PREP: variants seen among roughly 807,000 people sequenced by gnomAD.
PREP encodes the protein dJ355L5.1 (prolyl endopeptidase).
PREP carries 29 observed loss-of-function variants against 87.6 expected under a neutral mutation model. That is an observed-to-expected ratio of 0.33 (90% CI 0.25 to 0.45). PREP has a LOEUF of 0.45. Ranked by LOEUF, PREP falls within the 20% of genes least tolerant of loss-of-function variation. The pLI is 1.00. For synonymous variants in PREP, 337 were observed against 328.6 expected (o/e 1.03, Z -0.28); for missense variants, 695 against 886.5 (o/e 0.78, Z 2.74).
At position 105,356,190 on chromosome 6, in the gene PREP, C is replaced by T. The variant is rs72933869; in HGVS notation, c.718-3113G>A. On this transcript the variant is annotated intron_variant, in intron 6 of 14. Coordinates refer to ENST00000652536, the MANE Select transcript of PREP (RefSeq NM_002726.5). ...TCTGGTCTGCCTGCAAAACATTTTG[C>T]GGCAGTTAATTCATTGGCGGATCAG... 8.4e-3 allele frequency among the ~76,000 whole-genome samples: 1,283 copies of T among 152,150 alleles called. 7 individuals carry two copies. The highest frequency in any genetic ancestry group is 0.014 in the Non-Finnish European group (936 of 68,010).
chr6:105,309,588 T>C (rs1051645048), intron 10 of PREP, among the ~76,000 whole-genome samples: 2 of 152,204 alleles, frequency 1.3e-5, no homozygotes, highest in Non-Finnish European at 1.5e-5. Flanking sequence ...TTTTCTTTTT[T>C]CTTTTTTTAT....
rs1772614197 is a variant in PREP, at chr6:105,373,582, T to C, written c.386-4A>G. The C allele has an allele frequency of 2.5e-6, 4 of 1,613,098 alleles. No homozygotes were observed. The highest frequency in any genetic ancestry group is 1.3e-5 in the African/African-American group (1 of 74,866). On this transcript the variant is annotated splice_polypyrimidine_tract_variant and splice_region_variant and intron_variant, in intron 4 of 14. Coordinates refer to ENST00000652536, the MANE Select transcript of PREP (RefSeq NM_002726.5). ...CCATCTTCGCTGAACGCATAACCTA[T>C]GGGACACAGGAGAAATCATCCAGTG...
intron 7 of PREP, among the ~76,000 whole-genome samples, chr6:105,337,105 T>C (rs972819328): frequency 6.6e-6 from 1 of 152,196 alleles, no homozygotes; most frequent in Admixed American, 6.5e-5. Context: ...TGTGTAAGTA[T>C]ATTTACCGTA....
intron 10 of PREP, among the ~76,000 whole-genome samples, chr6:105,309,584 TTTTTC>T (rs1479092841): frequency 1.3e-5 from 2 of 152,130 alleles, no homozygotes; most frequent in Non-Finnish European, 2.9e-5. Context: ...CTTTTTTTCT[TTTTTC>T]TTTTTTTATT....
At chr6:105,370,447 G>A (rs193200975) in intron 5 of PREP, among the ~76,000 whole-genome samples, 40 of 152,200 alleles carry the variant, frequency 2.6e-4, no homozygotes, top group African/African-American at 8.9e-4. Flanking sequence ...GCAAAATGGT[G>A]TAGCCACTCT....
chr6:105,393,781 C>A (rs1215376135), intron 2 of PREP, among the ~76,000 whole-genome samples: 4 of 152,080 alleles, frequency 2.6e-5, no homozygotes, highest in Non-Finnish European at 5.9e-5. Context: ...GCCTTAAATG[C>A]TAGGCAGTGG....
At chr6:105,366,279 C>A (rs1479393457) in intron 6 of PREP, among the ~76,000 whole-genome samples, 4 of 152,064 alleles carry the variant, frequency 2.6e-5, no homozygotes, top group African/African-American at 9.7e-5. Flanking sequence ...ATAAATAAAA[C>A]ATAAATAAAG....
intron 10 of PREP, among the ~76,000 whole-genome samples, chr6:105,319,365 G>A (rs773488448): frequency 6.6e-5 from 10 of 152,138 alleles, no homozygotes; most frequent in African/African-American, 1.2e-4. Context: ...GCTTGTTAAT[G>A]GAGTTGATTC....
intron 7 of PREP, among the ~76,000 whole-genome samples, chr6:105,336,484 T>A (rs1771481688): frequency 6.6e-6 from 1 of 152,228 alleles, no homozygotes; most frequent in Non-Finnish European, 1.5e-5. Flanking sequence ...TTTGCTCATA[T>A]TTCTATTATT....
At chr6:105,294,120 A>G (rs1371432370) in intron 10 of PREP, among the ~76,000 whole-genome samples, 2 of 151,628 alleles carry the variant, frequency 1.3e-5, no homozygotes, top group African/African-American at 2.4e-5. Flanking sequence ...GCTCCACATC[A>G]GAGTCTACAC....
Position 105,281,612 on chromosome 6 carries a change from C to T in PREP, c.1838+134G>A, listed in dbSNP as rs1000680837. Reference sequence around the variant, plus strand: ...AATCAAGAAAGACAAGTAGGTAGTCCCATCTCCTCTCCAGCAGATTATATG... The same window carrying T: ...AATCAAGAAAGACAAGTAGGTAGTCTCATCTCCTCTCCAGCAGATTATATG... On this transcript the variant is annotated intron_variant, in intron 14 of 14. Transcript: ENST00000652536. The T allele has an allele frequency of 8.4e-6, 9 of 1,074,158 alleles. No homozygotes were observed. In the African/African-American group the frequency reaches 1.4e-4, roughly 17 times the overall value. The allele number at this position is 1,074,158 out of a possible 1,614,324, so 66.5% of individuals were successfully genotyped here.
intron 10 of PREP, among the ~76,000 whole-genome samples, chr6:105,295,075 T>C (rs1445701091): frequency 6.6e-6 from 1 of 152,190 alleles, no homozygotes; most frequent in Non-Finnish European, 1.5e-5. Flanking sequence ...GGCTCTGAAC[T>C]TAGGTCTTAT....
rs1333842439 is a variant in PREP at position 105,358,958 on chromosome 6, G to A, written c.718-5881C>T. 3.3e-5 allele frequency among the ~76,000 whole-genome samples: 5 copies of A among 152,300 alleles called. No homozygotes were observed. The East Asian group carries it at 9.6e-4, about 29-fold the overall frequency. ...AAAAGTGTATTCCTGTGCCCAGGTGGATGAGGTTGGACAAAGCTACTATCA... is the reference window on the plus strand; with the variant it reads ...AAAAGTGTATTCCTGTGCCCAGGTGAATGAGGTTGGACAAAGCTACTATCA... On this transcript the variant is annotated intron_variant, in intron 6 of 14. Coordinates refer to ENST00000652536, the MANE Select transcript of PREP (RefSeq NM_002726.5).
At chr6:105,335,790 G>A (rs1382834897) in intron 7 of PREP, among the ~76,000 whole-genome samples, 2 of 152,190 alleles carry the variant, frequency 1.3e-5, no homozygotes, top group African/African-American at 2.4e-5. Context: ...CTACTCGGGA[G>A]GCTGAGGCAG....
intron 1 of PREP, among the ~76,000 whole-genome samples, chr6:105,399,874 C>T (rs1773380104): frequency 6.6e-6 from 1 of 152,140 alleles, no homozygotes; most frequent in Admixed American, 6.5e-5. Flanking sequence ...AGTCAGCCCA[C>T]CCTTTTCCCC....
intron 11 of PREP, among the ~76,000 whole-genome samples, chr6:105,286,471 A>G (rs1770189610): frequency 6.6e-6 from 1 of 152,142 alleles, no homozygotes; most frequent in Non-Finnish European, 1.5e-5. Flanking sequence ...TCTAGGAAAG[A>G]GCATTAAGTC....
At chr6:105,324,162 T>G (rs1415916540) in intron 9 of PREP, among the ~76,000 whole-genome samples, 1 of 152,184 alleles carries the variant, frequency 6.6e-6, no homozygotes, top group African/African-American at 2.4e-5. Flanking sequence ...CTTCATCTAG[T>G]GCCATTTGAC....
rs114288169 is a variant in PREP at position 105,338,858 on chromosome 6, T to C, written c.824-5353A>G. ...CTGGGGAAGGGGCATCCGCCATGGC[T>C]GAAGCTTGAGTACGTAAACAAAGCG... On this transcript the variant is annotated intron_variant, in intron 7 of 14. Coordinates refer to ENST00000652536, the MANE Select transcript of PREP (RefSeq NM_002726.5). Among the ~76,000 whole-genome samples, 198 of 152,342 alleles carry C rather than the reference T, an allele frequency of 1.3e-3. 1 individual carries two copies. The highest frequency in any genetic ancestry group is 4.6e-3 in the African/African-American group (190 of 41,580).
intron 10 of PREP, among the ~76,000 whole-genome samples, chr6:105,295,983 T>C (rs1246633501): frequency 6.6e-6 from 1 of 152,212 alleles, no homozygotes; most frequent in Admixed American, 6.5e-5. Context: ...CGTGGTATGA[T>C]TTATGTATGA....
Sources: gnomAD v4.1 joint callset for allele counts (sites outside exome capture counted in the v4.1 genomes callset) on GRCh38, gnomAD v4.1.1 for gene constraint, MANE v1.5 for transcripts, NCBI Gene and HGNC (gene_info 2026-07-23, HGNC 2026-07-21) for gene names.